Variants in INPP4B observed in about 807,000 individuals in gnomAD.
The protein encoded by INPP4B is inositol polyphosphate 4-phosphatase type II.
In INPP4B, 55 loss-of-function variants were observed where a neutral mutation model predicts 122.5. The ratio of observed to expected loss-of-function variants is 0.45; its 90% CI spans 0.36 to 0.56. INPP4B has a LOEUF of 0.56. INPP4B is among the 20% of genes least tolerant of loss of function. The pLI is 0.00. For synonymous variants in INPP4B, 403 were observed against 388.7 expected (o/e 1.04, Z -0.43); for missense variants, 1,000 against 1,097.7 (o/e 0.91, Z 1.26).
chr4:142,811,336 G>T (rs1263783991), intron 1 of INPP4B, among the ~76,000 whole-genome samples: 5 of 152,200 alleles, frequency 3.3e-5, no homozygotes, highest in African/African-American at 1.2e-4. Flanking sequence ...AGAGGGCCAA[G>T]TCAGTCTTCC....
At chr4:142,618,601 A>G (rs1440380698) in intron 2 of INPP4B, among the ~76,000 whole-genome samples, 1 of 152,110 alleles carries the variant, frequency 6.6e-6, no homozygotes, top group East Asian at 1.9e-4. Context: ...AATGGATTAA[A>G]CACTTAAAAA....
At chr4:142,082,907 A>G (rs995570031) in intron 24 of INPP4B, among the ~76,000 whole-genome samples, 4 of 152,308 alleles carry the variant, frequency 2.6e-5, no homozygotes, top group Middle Eastern at 3.4e-3. Flanking sequence ...CAGGAGGATC[A>G]TTTGAGCTCA....
At chr4:142,569,179 A>G (rs976421018) in intron 2 of INPP4B, among the ~76,000 whole-genome samples, 7 of 152,132 alleles carry the variant, frequency 4.6e-5, no homozygotes, top group African/African-American at 1.7e-4. Context: ...AGTTTTGGGG[A>G]TAATATCAGC....
At chr4:142,151,250 C>G (rs1004933029) in intron 17 of INPP4B, among the ~76,000 whole-genome samples, 2 of 152,076 alleles carry the variant, frequency 1.3e-5, no homozygotes, top group East Asian at 3.9e-4. Context: ...CAAACTGGCA[C>G]GTGTATAGCC....
intron 2 of INPP4B, among the ~76,000 whole-genome samples, chr4:142,668,952 G>A (rs1013392230): frequency 2.0e-5 from 3 of 152,084 alleles, no homozygotes; most frequent in African/African-American, 7.2e-5. Context: ...CTACTCAGGA[G>A]GCTGAGGCAG....
intron 11 of INPP4B, among the ~76,000 whole-genome samples, chr4:142,238,782 AC>A (rs753038282): frequency 7.2e-5 from 11 of 152,162 alleles, no homozygotes; most frequent in Non-Finnish European, 1.6e-4. Context: ...TATTATGATA[AC>A]ATTTGATACT....
At position 142,023,568 on chromosome 4, in the gene INPP4B, A is replaced by C. The variant is rs1477830505; in HGVS notation, c.*5214T>G. The C allele has an allele frequency of 1.3e-5, 2 of 152,324 alleles. No homozygotes were observed. Among genetic ancestry groups the C allele is most frequent in the East Asian group, 1.9e-4 (1 of 5,196 alleles). The allele number at this position is 152,324 out of a possible 1,614,324, so 9.4% of individuals were successfully genotyped here. Reference sequence around the variant, plus strand: ...ATGTTGATAGTGACATAAAAACATCACAAGAATTATCTAGATAATATAGCA... The same window carrying C: ...ATGTTGATAGTGACATAAAAACATCCCAAGAATTATCTAGATAATATAGCA... On this transcript the variant is annotated 3_prime_UTR_variant, in exon 26 of 26. Coordinates refer to ENST00000262992, the MANE Select transcript of INPP4B (RefSeq NM_001101669.3).
At chr4:142,620,533 C>T (rs1471582179) in intron 2 of INPP4B, among the ~76,000 whole-genome samples, 1 of 151,658 alleles carries the variant, frequency 6.6e-6, no homozygotes, top group Non-Finnish European at 1.5e-5. Flanking sequence ...GAGTGAGGAT[C>T]GATAAACTAC....
intron 25 of INPP4B, among the ~76,000 whole-genome samples, chr4:142,040,478 G>T (rs1384543984): frequency 6.6e-6 from 1 of 152,154 alleles, no homozygotes; most frequent in African/African-American, 2.4e-5. Context: ...AAATAATAGA[G>T]ATTGACTTTC....
intron 2 of INPP4B, among the ~76,000 whole-genome samples, chr4:142,500,805 C>T (rs932987918): frequency 6.6e-6 from 1 of 152,046 alleles, no homozygotes; most frequent in African/African-American, 2.4e-5. Context: ...ATGATTCCAC[C>T]TATATGATCT....
intron 14 of INPP4B, among the ~76,000 whole-genome samples, chr4:142,207,764 A>T (rs537327333): frequency 6.6e-6 from 1 of 152,306 alleles, no homozygotes; most frequent in Non-Finnish European, 1.5e-5. Context: ...TATAGCAATA[A>T]GTTCATGAAA....
At chr4:142,829,951 T>A (rs1317266942) in intron 1 of INPP4B, among the ~76,000 whole-genome samples, 2 of 152,166 alleles carry the variant, frequency 1.3e-5, no homozygotes, top group East Asian at 3.9e-4. Flanking sequence ...TTAAAAATTA[T>A]ACCATTTTAA....
At chr4:142,436,832 C>G (rs1194711642) in intron 3 of INPP4B, among the ~76,000 whole-genome samples, 1 of 151,370 alleles carries the variant, frequency 6.6e-6, no homozygotes, top group Non-Finnish European at 1.5e-5. Context: ...AGATGAAAAC[C>G]CCAAAGGCCA....
chr4:142,164,940 T>C (rs989268935), intron 16 of INPP4B, among the ~76,000 whole-genome samples: 3 of 151,608 alleles, frequency 2.0e-5, no homozygotes, highest in African/African-American at 7.3e-5. Flanking sequence ...TTTCTTTTCT[T>C]GACTCATCAT....
intron 2 of INPP4B, among the ~76,000 whole-genome samples, chr4:142,568,198 G>C (rs1287953680): frequency 6.6e-6 from 1 of 151,578 alleles, no homozygotes; most frequent in African/African-American, 2.4e-5. Flanking sequence ...ATAAATTACA[G>C]GGAGAAAGAG....
At chr4:142,392,437 A>G (rs1301180314) in intron 7 of INPP4B, among the ~76,000 whole-genome samples, 4 of 152,238 alleles carry the variant, frequency 2.6e-5, no homozygotes, top group Non-Finnish European at 5.9e-5. Flanking sequence ...ATACATGGAT[A>G]ACCTTATACT....
chr4:142,255,008 G>A lies in INPP4B; in HGVS notation c.688+5484C>T, dbSNP rs368224098. Among the ~76,000 whole-genome samples the A allele has an allele frequency of 3.7e-3, 560 of 152,158 alleles. 12 individuals are homozygous for A. The East Asian group carries it at 0.054, about 15-fold the overall frequency. ...CCATCAGACTAACAGCGGCTCTCTC[G>A]GCAGAAACTCTACAAGCCAGAAGAG... On this transcript the variant is annotated intron_variant, in intron 11 of 25. Transcript: ENST00000262992.
intron 12 of INPP4B, among the ~76,000 whole-genome samples, chr4:142,216,809 C>G (rs1450396479): frequency 4.0e-5 from 6 of 151,808 alleles, no homozygotes; most frequent in African/African-American, 1.5e-4. Flanking sequence ...ACAAAACAAC[C>G]CTGTGAAGAA....
At chr4:142,685,759 CA>C (rs528549260) in intron 2 of INPP4B, among the ~76,000 whole-genome samples, 3 of 151,508 alleles carry the variant, frequency 2.0e-5, no homozygotes, top group Admixed American at 1.3e-4. Context: ...GACCCTATCT[CA>C]AAAAAAATTA....
Sources: allele counts gnomAD v4.1 joint callset (sites outside exome capture counted in the v4.1 genomes callset), GRCh38; gene constraint gnomAD v4.1.1; transcripts MANE v1.5; gene names NCBI Gene and HGNC (gene_info 2026-07-23, HGNC 2026-07-21).